LAMA2: variants seen among roughly 807,000 people sequenced by gnomAD.
The protein encoded by LAMA2 is laminin subunit alpha 2.
A neutral mutation model predicts 364.8 loss-of-function variants in LAMA2; 269 were observed. The observed-to-expected ratio is 0.74, with a 90% CI of 0.67 to 0.82. The LOEUF (loss-of-function observed/expected upper bound fraction) is 0.82. Ranked by LOEUF, LAMA2 falls within the 40% of genes least tolerant of loss-of-function variation. The pLI is 0.00. For synonymous variants in LAMA2, 1,379 were observed against 1,370.6 expected, an observed-to-expected ratio of 1.01 and a Z score of -0.14; for missense variants, 3,807 against 3,873.2, an observed-to-expected ratio of 0.98 and a Z score of 0.45.
intron 4 of LAMA2, among the ~76,000 whole-genome samples, chr6:129,102,977 T>G (rs2114882980): frequency 6.6e-6 from 1 of 152,308 alleles, no homozygotes; most frequent in African/African-American, 2.4e-5. Context: ...GTCCCACCCA[T>G]GCAGTCCTGG....
At chr6:129,095,684 G>A (rs1230718351) in intron 3 of LAMA2, among the ~76,000 whole-genome samples, 1 of 150,856 alleles carries the variant, frequency 6.6e-6, no homozygotes, top group African/African-American at 2.4e-5. Flanking sequence ...GCTGAGGCAA[G>A]TGGATCACCT....
At chr6:129,046,015 A>C (rs1055658372) in intron 1 of LAMA2, among the ~76,000 whole-genome samples, 1 of 152,224 alleles carries the variant, frequency 6.6e-6, no homozygotes, top group African/African-American at 2.4e-5. Context: ...CTTTTGTGTA[A>C]GTAAGCTGGC....
chr6:128,944,599 C>A (rs1436049464), intron 1 of LAMA2, among the ~76,000 whole-genome samples: 3 of 151,338 alleles, frequency 2.0e-5, no homozygotes, highest in Non-Finnish European at 4.4e-5. Context: ...TCAAGACCAG[C>A]CTGGCCAACA....
In LAMA2 at chr6:129,399,461, T is replaced by C. The variant is rs115073580; in HGVS notation, c.5446-1763T>C. Among the ~76,000 whole-genome samples, 644 of 152,298 alleles carry C rather than the reference T, an allele frequency of 4.2e-3. 5 individuals are homozygous for C. The highest frequency in any genetic ancestry group is 0.015 in the African/African-American group (619 of 41,550). On this transcript the variant is annotated intron_variant, in intron 37 of 64. Transcript: ENST00000421865. ...TGCTGCTGGTGAATGGGCTGCACAT[T>C]GAGTAGGGAGGGACTAAACATTTTG...
At chr6:129,321,325 G>A (rs4642505) in intron 28 of LAMA2, among the ~76,000 whole-genome samples, 43,365 of 151,962 alleles carry the variant, frequency 0.29, 6,606 homozygotes, top group Non-Finnish European at 0.32. Context: ...AACTGGCCTG[G>A]GTTTGAATCT....
chr6:129,266,199 T>G (rs1787500827), intron 15 of LAMA2, among the ~76,000 whole-genome samples: 1 of 152,126 alleles, frequency 6.6e-6, no homozygotes, highest in Non-Finnish European at 1.5e-5. Flanking sequence ...TGGAGGGTGA[T>G]CATAAGCTCT....
intron 3 of LAMA2, among the ~76,000 whole-genome samples, chr6:129,089,659 G>A (rs149427518): frequency 6.6e-6 from 1 of 152,172 alleles, no homozygotes; most frequent in Non-Finnish European, 1.5e-5. Flanking sequence ...TCAAATGAGA[G>A]AAAAATATGT....
intron 1 of LAMA2, among the ~76,000 whole-genome samples, chr6:129,039,887 C>G (rs1301913483): frequency 1.3e-5 from 2 of 152,162 alleles, no homozygotes; most frequent in African/African-American, 4.8e-5. Context: ...CTGTGCAGCC[C>G]TGTTCCTAAC....
chr6:128,960,285 G>A (rs1315055698), intron 1 of LAMA2, among the ~76,000 whole-genome samples: 2 of 149,668 alleles, frequency 1.3e-5, no homozygotes, highest in Non-Finnish European at 3.0e-5. Context: ...GAATTTCATG[G>A]ATTAATCCCC....
intron 4 of LAMA2, among the ~76,000 whole-genome samples, chr6:129,099,671 C>T (rs779047180): frequency 6.6e-6 from 1 of 152,210 alleles, no homozygotes; most frequent in Non-Finnish European, 1.5e-5. Context: ...TCTCTCAACA[C>T]TTCTAGGGAA....
Position 129,456,460 on chromosome 6 carries a change from T to C in LAMA2, c.6833T>C (p.Met2278Thr). The change falls in exon 48 of 65, where the codon ATG becomes ACG. Residue 2278 changes from methionine to threonine, a missense_variant. Met to Thr is a moderately conservative substitution (Grantham distance 81, BLOSUM62 -1). This residue lies in a region of LAMA2 where 3,333 missense variants were observed against 3,345.7 expected (regional missense o/e 1.00). Coordinates refer to ENST00000421865, the MANE Select transcript of LAMA2 (RefSeq NM_000426.4). ...YTILDVDANA[M>T]LFVGGLTGKL... The stretch of plus-strand genomic sequence containing the variant: ...ATTCTAGATGTGGATGCAAATGCAA[T>C]GCTGTTTGTTGGTGGCCTGACTGGG... 6.2e-7 allele frequency: 1 copy of C among 1,613,566 alleles called. No homozygotes were observed. Among genetic ancestry groups the C allele is most frequent in the Non-Finnish European group, 8.5e-7 (1 of 1,179,588 alleles).
At chr6:129,088,010 G>A (rs1292914900) in intron 3 of LAMA2, among the ~76,000 whole-genome samples, 1 of 122,612 alleles carries the variant, frequency 8.2e-6, no homozygotes, top group East Asian at 2.3e-4. Flanking sequence ...GTGAACAAAG[G>A]TCTCTGGTTT....
intron 33 of LAMA2, among the ~76,000 whole-genome samples, chr6:129,368,663 C>A (rs180920614): frequency 7.9e-5 from 12 of 152,276 alleles, no homozygotes; most frequent in African/African-American, 2.9e-4. Flanking sequence ...TTGTGAACAT[C>A]TTCTAAGCCA....
intron 56 of LAMA2, among the ~76,000 whole-genome samples, chr6:129,487,897 A>C (rs1303901190): frequency 6.6e-6 from 1 of 152,180 alleles, no homozygotes; most frequent in Admixed American, 6.5e-5. Context: ...ATGCAAACTG[A>C]ATGCTCTCAT....
intron 14 of LAMA2, 102 bp from the exon 15 acceptor site, chr6:129,260,609 A>G: frequency 1.6e-5 from 13 of 793,328 alleles, no homozygotes; most frequent in Non-Finnish European, 2.7e-5. Flanking sequence ...CTCAGCATGC[A>G]TAATTGGCTT....
intron 1 of LAMA2, among the ~76,000 whole-genome samples, chr6:129,018,491 T>C (rs533871616): frequency 5.1e-4 from 77 of 151,208 alleles, no homozygotes; most frequent in Middle Eastern, 3.4e-3. Flanking sequence ...TCAATAAATA[T>C]GTAAGTACAA....
intron 40 of LAMA2, among the ~76,000 whole-genome samples, chr6:129,412,706 A>G (rs1780595896): frequency 6.6e-6 from 1 of 152,348 alleles, no homozygotes; most frequent in South Asian, 2.1e-4. Flanking sequence ...TATGTCTCAC[A>G]TCACAACACA....
At chr6:129,089,555 A>G (rs1177589897) in intron 3 of LAMA2, among the ~76,000 whole-genome samples, 1 of 152,234 alleles carries the variant, frequency 6.6e-6, no homozygotes, top group African/African-American at 2.4e-5. Flanking sequence ...AACTCAGCCT[A>G]CCTGCTCTTT....
At chr6:129,496,143 T>A (rs1300567082) in intron 58 of LAMA2, among the ~76,000 whole-genome samples, 1 of 152,082 alleles carries the variant, frequency 6.6e-6, no homozygotes, top group Admixed American at 6.6e-5. Flanking sequence ...CAACTGCTAT[T>A]TCACCTTCTT....
Sources: allele counts gnomAD v4.1 joint callset (sites outside exome capture counted in the v4.1 genomes callset), GRCh38; gene constraint gnomAD v4.1.1; regional missense constraint gnomAD v4.1.1; transcripts MANE v1.5; gene names NCBI Gene and HGNC (gene_info 2026-07-23, HGNC 2026-07-21).